Variants in RSPO2 observed in about 807,000 individuals in gnomAD.
RSPO2 encodes R-spondin-2.
A neutral mutation model predicts 30.9 loss-of-function variants in RSPO2; 14 were observed. The ratio of observed to expected loss-of-function variants is 0.45; its 90% CI spans 0.30 to 0.71. The LOEUF is 0.71. Ranked by LOEUF, RSPO2 falls within the 30% of genes least tolerant of loss-of-function variation. RSPO2 has a pLI of 0.08. For missense variants in RSPO2, 264 were observed against 301.9 expected (o/e 0.87, Z 0.93); for synonymous variants, 107 against 96.4 (o/e 1.11, Z -0.64).
intron 2 of RSPO2, among the ~76,000 whole-genome samples, chr8:108,020,634 T>C (rs1811034613): frequency 1.3e-5 from 2 of 152,346 alleles, no homozygotes; most frequent in South Asian, 4.1e-4. Context: ...TTCATACATC[T>C]GTTTATTCAT....
chr8:107,946,570 A>C (rs751173225), intron 5 of RSPO2, among the ~76,000 whole-genome samples: 4 of 152,214 alleles, frequency 2.6e-5, no homozygotes, highest in African/African-American at 4.8e-5. Flanking sequence ...AGGTAGGCCG[A>C]AATTAAAGGA....
At chr8:107,954,314 T>C (rs535786286) in intron 5 of RSPO2, among the ~76,000 whole-genome samples, 1 of 152,296 alleles carries the variant, frequency 6.6e-6, no homozygotes, top group South Asian at 2.1e-4. Flanking sequence ...TTTAAATATA[T>C]GACAAAAAGC....
At chr8:108,010,557 C>T (rs920435136) in intron 2 of RSPO2, among the ~76,000 whole-genome samples, 11 of 152,060 alleles carry the variant, frequency 7.2e-5, no homozygotes, top group Non-Finnish European at 1.2e-4. Flanking sequence ...TCTTAGAGAG[C>T]GAGCAAGAAG....
chr8:108,062,112 C>T (rs988944449), intron 2 of RSPO2, among the ~76,000 whole-genome samples: 7 of 151,814 alleles, frequency 4.6e-5, no homozygotes, highest in Non-Finnish European at 8.8e-5. Flanking sequence ...ACCCTAACAT[C>T]ACAATTAAAA....
chr8:108,050,888 G>A (rs911741543), intron 2 of RSPO2, among the ~76,000 whole-genome samples: 7 of 152,164 alleles, frequency 4.6e-5, no homozygotes. Flanking sequence ...ATGTTGCTAA[G>A]CTACTTGTTC....
At chr8:108,056,336 C>T (rs1812240546) in intron 2 of RSPO2, among the ~76,000 whole-genome samples, 2 of 152,022 alleles carry the variant, frequency 1.3e-5, no homozygotes, top group South Asian at 4.2e-4. Context: ...TGGGCCCAAT[C>T]TTGTAAGCAT....
chr8:107,939,920 C>T (rs962124363), intron 5 of RSPO2, among the ~76,000 whole-genome samples: 6 of 152,086 alleles, frequency 3.9e-5, no homozygotes, highest in Non-Finnish European at 7.4e-5. Context: ...TTAATATCAT[C>T]TTTGAACCAG....
chr8:108,056,157 C>T (rs1812235304), intron 2 of RSPO2, among the ~76,000 whole-genome samples: 1 of 152,140 alleles, frequency 6.6e-6, no homozygotes, highest in Non-Finnish European at 1.5e-5. Flanking sequence ...TACAGTCTCA[C>T]CACTGAAACA....
intron 2 of RSPO2, among the ~76,000 whole-genome samples, chr8:108,033,221 T>C (rs754522254): frequency 6.6e-5 from 10 of 152,118 alleles, no homozygotes; most frequent in Non-Finnish European, 1.5e-4. Flanking sequence ...TATTGTATAC[T>C]GCAGCAAAAA....
At chr8:107,946,720 T>C (rs908563270) in intron 5 of RSPO2, among the ~76,000 whole-genome samples, 3 of 152,170 alleles carry the variant, frequency 2.0e-5, no homozygotes, top group Non-Finnish European at 1.5e-5. Context: ...TTTACTACTC[T>C]CAACAATCTT....
chr8:107,984,160 C>T (rs1248640464), intron 3 of RSPO2, among the ~76,000 whole-genome samples: 1 of 152,266 alleles, frequency 6.6e-6, no homozygotes, highest in Non-Finnish European at 1.5e-5. Context: ...CATTCACTCA[C>T]TTGAGCTAAT....
At chr8:107,962,787 T>TG in intron 3 of RSPO2, among the ~76,000 whole-genome samples, 1 of 150,726 alleles carries the variant, frequency 6.6e-6, no homozygotes. Flanking sequence ...AGGGTGAAGA[T>TG]GAAAAAAAAA....
chr8:108,001,768 T>A (rs1036351), intron 2 of RSPO2, among the ~76,000 whole-genome samples: 42,782 of 151,874 alleles, frequency 0.28, 6,255 homozygotes, highest in African/African-American at 0.37. Flanking sequence ...AAAATTGTAC[T>A]CCATAAATTT....
chr8:108,034,691 G>C (rs1811536822), intron 2 of RSPO2, among the ~76,000 whole-genome samples: 1 of 152,184 alleles, frequency 6.6e-6, no homozygotes, highest in East Asian at 1.9e-4. Context: ...CAGAGGCCCA[G>C]CCAAGAAGTT....
intron 2 of RSPO2, among the ~76,000 whole-genome samples, chr8:108,046,656 A>G (rs1811916295): frequency 6.6e-6 from 1 of 152,188 alleles, no homozygotes; most frequent in African/African-American, 2.4e-5. Flanking sequence ...AAACTGCTCT[A>G]TTAACTACAC....
intron 2 of RSPO2, among the ~76,000 whole-genome samples, chr8:108,061,243 C>G (rs1279741945): frequency 6.6e-6 from 1 of 151,658 alleles, no homozygotes; most frequent in East Asian, 1.9e-4. Flanking sequence ...GACTGGCAAA[C>G]TGGATAAAGA....
chr8:108,032,409 T>C (rs1284266364), intron 2 of RSPO2, among the ~76,000 whole-genome samples: 2 of 152,208 alleles, frequency 1.3e-5, no homozygotes, highest in African/African-American at 4.8e-5. Context: ...TTCTGGTACA[T>C]TAATGTAGTT....
chr8:107,914,882 A>G (rs906464537), intron 5 of RSPO2, among the ~76,000 whole-genome samples: 5 of 152,194 alleles, frequency 3.3e-5, no homozygotes, highest in African/African-American at 1.2e-4. Context: ...TTCCAGTAAT[A>G]CAATGCCCAG....
chr8:108,029,585 A>T (rs1231360330), intron 2 of RSPO2, among the ~76,000 whole-genome samples: 1 of 152,208 alleles, frequency 6.6e-6, no homozygotes, highest in Non-Finnish European at 1.5e-5. Flanking sequence ...CCCAGGAAGC[A>T]TCACCTACCA....
Sources: allele counts gnomAD v4.1 joint callset (sites outside exome capture counted in the v4.1 genomes callset), GRCh38; gene constraint gnomAD v4.1.1; transcripts MANE v1.5; gene names NCBI Gene and HGNC (gene_info 2026-07-23, HGNC 2026-07-21).